The following KCNH1 variants were observed in gnomAD, a reference collection of about 807,000 sequenced individuals.
The protein encoded by KCNH1 is potassium voltage-gated channel subfamily H member 1, also known as voltage-gated delayed rectifier potassium channel KCNH1.
KCNH1 carries 27 observed loss-of-function variants against 69.2 expected under a neutral mutation model. The observed-to-expected ratio is 0.39, with a 90% CI of 0.29 to 0.54. KCNH1 has a LOEUF of 0.54. KCNH1 is among the 20% of genes least tolerant of loss of function. KCNH1 has a pLI of 0.68. For missense variants in KCNH1, 798 were observed against 1,261.6 expected, an observed-to-expected ratio of 0.63 and a Z score of 5.57; for synonymous variants, 456 against 487.7, an observed-to-expected ratio of 0.93 and a Z score of 0.86.
At chr1:210,822,729 G>A (rs1430251229) in intron 7 of KCNH1, among the ~76,000 whole-genome samples, 1 of 152,014 alleles carries the variant, frequency 6.6e-6, no homozygotes. Context: ...ACTCTCATCT[G>A]CCCATTTCTC....
At chr1:211,019,320 T>C in intron 5 of KCNH1, 64 bp from the exon 6 acceptor site, 1 of 1,020,888 alleles carries the variant, frequency 9.8e-7, no homozygotes, top group South Asian at 1.5e-5. Context: ...ATCTAACCAG[T>C]CAGCATCAGT....
intron 7 of KCNH1, among the ~76,000 whole-genome samples, chr1:210,833,767 A>G (rs1433774505): frequency 1.3e-5 from 2 of 152,306 alleles, no homozygotes; most frequent in African/African-American, 4.8e-5. Flanking sequence ...ATGGGAGAAA[A>G]TTTTCACAAC....
At chr1:211,081,620 C>T (rs1044262304) in intron 5 of KCNH1, among the ~76,000 whole-genome samples, 3 of 152,168 alleles carry the variant, frequency 2.0e-5, no homozygotes, top group African/African-American at 7.2e-5. Flanking sequence ...ACATATACAC[C>T]ATGGAATACT....
At chr1:210,809,672 C>G (rs1029863502) in intron 7 of KCNH1, among the ~76,000 whole-genome samples, 4 of 152,144 alleles carry the variant, frequency 2.6e-5, no homozygotes, top group Non-Finnish European at 1.5e-5. Flanking sequence ...GCCAGAACCA[C>G]TCTGTAGTGA....
intron 7 of KCNH1, among the ~76,000 whole-genome samples, chr1:210,820,600 C>T (rs1156239242): frequency 6.6e-6 from 1 of 152,178 alleles, no homozygotes; most frequent in Non-Finnish European, 1.5e-5. Flanking sequence ...TGTCACTACA[C>T]TCCAGCCTGG....
At chr1:211,051,561 G>A (rs1037071487) in intron 5 of KCNH1, among the ~76,000 whole-genome samples, 18 of 152,192 alleles carry the variant, frequency 1.2e-4, no homozygotes, top group African/African-American at 4.3e-4. Context: ...TGGAGGGCAT[G>A]TTCCAAGGCC....
chr1:210,683,173 G>A lies in KCNH1; in HGVS notation c.*108C>T. ...GCCACTGGCCCCACTTTTTCTGTTA[G>A]GAAAAGCCTACTTGAAAATTGTTGG... On this transcript the variant is annotated 3_prime_UTR_variant, in exon 11 of 11. Coordinates refer to ENST00000271751, the MANE Select transcript of KCNH1 (RefSeq NM_172362.3). The surrounding 1 kb of genome is among the most constrained non-coding windows in gnomAD (Gnocchi z 5.7). The A allele has an allele frequency of 8.9e-7, 1 of 1,121,810 alleles. No homozygotes were observed. The highest frequency in any genetic ancestry group is 1.3e-6 in the Non-Finnish European group (1 of 786,842). 69.5% of individuals were successfully genotyped at this position (1,121,810 alleles called of 1,614,324 possible). A position where few individuals can be genotyped will look rare whatever the true frequency, so the allele number is the denominator to read the frequency against.
At chr1:210,691,220 C>T (rs1045920356) in intron 10 of KCNH1, among the ~76,000 whole-genome samples, 7 of 152,102 alleles carry the variant, frequency 4.6e-5, no homozygotes, top group East Asian at 3.9e-4. Flanking sequence ...AGGATTTGGG[C>T]GAGGGTGTTC....
At chr1:211,101,469 T>G (rs1691256294) in intron 3 of KCNH1, among the ~76,000 whole-genome samples, 1 of 152,198 alleles carries the variant, frequency 6.6e-6, no homozygotes, top group Non-Finnish European at 1.5e-5. Context: ...TTCCTTAGTT[T>G]CATGGCTCAT....
chr1:210,917,094 G>A (rs1687348462), intron 7 of KCNH1, among the ~76,000 whole-genome samples: 1 of 151,762 alleles, frequency 6.6e-6, no homozygotes. Context: ...GTTGCAGTGA[G>A]CCTATCATAC....
intron 7 of KCNH1, among the ~76,000 whole-genome samples, chr1:210,815,268 T>C (rs1424088021): frequency 6.6e-6 from 1 of 152,148 alleles, no homozygotes; most frequent in African/African-American, 2.4e-5. Flanking sequence ...AAGGTTTTAG[T>C]ATAATGCCCT....
chr1:210,832,652 T>C (rs1412516587), intron 7 of KCNH1, among the ~76,000 whole-genome samples: 1 of 152,102 alleles, frequency 6.6e-6, no homozygotes, highest in Non-Finnish European at 1.5e-5. Context: ...ATAAAACTTC[T>C]AGGTAAACAC....
intron 10 of KCNH1, among the ~76,000 whole-genome samples, chr1:210,744,496 T>A (rs1219724863): frequency 2.6e-5 from 4 of 152,024 alleles, no homozygotes; most frequent in Non-Finnish European, 5.9e-5. Flanking sequence ...ATACAAAAAT[T>A]AGCCAGGCAT....
At chr1:211,050,101 G>C (rs1339100439) in intron 5 of KCNH1, among the ~76,000 whole-genome samples, 1 of 151,844 alleles carries the variant, frequency 6.6e-6, no homozygotes, top group Admixed American at 6.6e-5. Context: ...AGGGTGATAA[G>C]AAACCTTGGT....
At chr1:210,794,290 A>G (rs1420928647) in intron 9 of KCNH1, among the ~76,000 whole-genome samples, 1 of 152,224 alleles carries the variant, frequency 6.6e-6, no homozygotes, top group Non-Finnish European at 1.5e-5. Context: ...GTTATTTAGA[A>G]TATTGAGCTT....
chr1:210,801,238 C>T (rs1199692992), intron 8 of KCNH1, among the ~76,000 whole-genome samples: 1 of 152,156 alleles, frequency 6.6e-6, no homozygotes. Context: ...TCAAAGTCAC[C>T]AGCTAATAGC....
chr1:210,951,372 T>C (rs190187611), intron 6 of KCNH1, among the ~76,000 whole-genome samples: 1 of 152,238 alleles, frequency 6.6e-6, no homozygotes, highest in African/African-American at 2.4e-5. Context: ...GAAATACTTA[T>C]GCTAATATAT....
chr1:211,005,112 A>G (rs947622427), intron 6 of KCNH1, among the ~76,000 whole-genome samples: 2 of 152,258 alleles, frequency 1.3e-5, no homozygotes, highest in South Asian at 4.1e-4. Flanking sequence ...TACATATCTT[A>G]CAGACATTAA....
Position 210,683,523 on chromosome 1 carries a change from C to A in KCNH1, c.2728G>T (p.Val910Phe), listed in dbSNP as rs1203949281. The part of the protein sequence containing the change: ...PQDRSPILAE[V>F]KHSFYPIPEQ... ...GGGATGGGGTAGAACGAATGCTTGA[C>A]CTCTGCCAGGATGGGACTCCGATCC... Residue 910 changes from valine to phenylalanine, a missense_variant, in exon 11 of 11, where the codon GTC becomes TTC. Physicochemically the swap from Val to Phe is conservative, Grantham distance 50. Transcript: ENST00000271751. This position sits in a 1 kb window ranked among gnomAD's most constrained non-coding sequence, Gnocchi z 5.7. 5 of 1,614,010 alleles carry A rather than the reference C, an allele frequency of 3.1e-6. No homozygotes were observed. The highest frequency in any genetic ancestry group is 1.3e-5 in the African/African-American group (1 of 74,912).
Sources: allele counts gnomAD v4.1 joint callset (sites outside exome capture counted in the v4.1 genomes callset), GRCh38; gene constraint gnomAD v4.1.1; non-coding constraint Gnocchi (gnomAD v3.1); transcripts MANE v1.5; gene names NCBI Gene and HGNC (gene_info 2026-07-23, HGNC 2026-07-21).